Variants in ATP8A2 observed in about 807,000 individuals in gnomAD.
The protein encoded by ATP8A2 is phospholipid-transporting ATPase IB.
A neutral mutation model predicts 165.6 loss-of-function variants in ATP8A2; 100 were observed. The observed-to-expected ratio is 0.60, with a 90% CI of 0.51 to 0.71. ATP8A2 has a LOEUF of 0.71. ATP8A2 is among the 30% of genes least tolerant of loss of function. ATP8A2 has a pLI of 0.00. For missense variants in ATP8A2, 1,227 were observed against 1,479.5 expected, an observed-to-expected ratio of 0.83 and a Z score of 2.80; for synonymous variants, 543 against 548.8, an observed-to-expected ratio of 0.99 and a Z score of 0.15.
intron 35 of ATP8A2, among the ~76,000 whole-genome samples, chr13:25,969,439 C>A (rs1955865201): frequency 6.6e-6 from 1 of 152,206 alleles, no homozygotes; most frequent in Non-Finnish European, 1.5e-5. Context: ...CTATAATATT[C>A]TGAGTACAGC....
intron 24 of ATP8A2, among the ~76,000 whole-genome samples, chr13:25,683,822 G>A (rs1431794619): frequency 6.6e-6 from 1 of 152,028 alleles, no homozygotes; most frequent in Non-Finnish European, 1.5e-5. Flanking sequence ...GTGGGGACAG[G>A]CACTTTCCAG....
At chr13:25,512,971 A>T (rs1427180356) in intron 2 of ATP8A2, among the ~76,000 whole-genome samples, 1 of 96,156 alleles carries the variant, frequency 1.0e-5, no homozygotes, top group Non-Finnish European at 2.1e-5. Flanking sequence ...TGACCCCCCC[A>T]CCTCCCTCCC....
intron 2 of ATP8A2, among the ~76,000 whole-genome samples, chr13:25,474,736 T>C (rs1054397732): frequency 1.3e-5 from 2 of 152,098 alleles, no homozygotes; most frequent in Non-Finnish European, 2.9e-5. Context: ...TCGGGATATG[T>C]GTGCAGGTTT....
intron 29 of ATP8A2, among the ~76,000 whole-genome samples, chr13:25,838,639 T>C (rs1477555867): frequency 3.3e-5 from 5 of 152,014 alleles, no homozygotes. Context: ...AATTCCATTG[T>C]CTTATAACAT....
chr13:25,373,717 C>G (rs2032511504), intron 1 of ATP8A2, among the ~76,000 whole-genome samples: 1 of 152,150 alleles, frequency 6.6e-6, no homozygotes. Flanking sequence ...GACCAGGGTT[C>G]TCTTTTGCGG....
chr13:26,001,591 T>C (rs1956632106), intron 35 of ATP8A2, among the ~76,000 whole-genome samples: 1 of 152,224 alleles, frequency 6.6e-6, no homozygotes, highest in South Asian at 2.1e-4. Context: ...TGCTATCTCA[T>C]GGTAGTTTTG....
At chr13:25,871,521 G>C (rs180956603) in intron 33 of ATP8A2, among the ~76,000 whole-genome samples, 4 of 152,270 alleles carry the variant, frequency 2.6e-5, no homozygotes, top group African/African-American at 9.6e-5. Flanking sequence ...ACATGACCAC[G>C]GTAGGTTAGA....
At chr13:25,566,488 C>A (rs890542448) in intron 16 of ATP8A2, among the ~76,000 whole-genome samples, 4 of 152,142 alleles carry the variant, frequency 2.6e-5, no homozygotes, top group African/African-American at 9.7e-5. Context: ...CAAAGGTGGG[C>A]AACTGAATAT....
intron 1 of ATP8A2, among the ~76,000 whole-genome samples, chr13:25,428,756 C>T (rs755100433): frequency 4.6e-5 from 7 of 152,192 alleles, no homozygotes; most frequent in Non-Finnish European, 8.8e-5. Context: ...GCAGGCAGCC[C>T]ACTCGCAAGC....
chr13:25,604,826 T>C (rs988460452), intron 24 of ATP8A2, among the ~76,000 whole-genome samples: 30 of 152,272 alleles, frequency 2.0e-4, no homozygotes, highest in Non-Finnish European at 2.1e-4. Context: ...AGATAGTCCA[T>C]GTTTGTGAAA....
chr13:25,494,828 T>C (rs568314634), intron 2 of ATP8A2, among the ~76,000 whole-genome samples: 60 of 152,250 alleles, frequency 3.9e-4, no homozygotes, highest in African/African-American at 1.3e-3. Context: ...TGATTTCTTT[T>C]TTCACAGTGA....
intron 21 of ATP8A2, among the ~76,000 whole-genome samples, chr13:25,579,459 G>A (rs960499486): frequency 6.6e-5 from 10 of 152,242 alleles, no homozygotes; most frequent in East Asian, 1.9e-4. Flanking sequence ...GGGATAGCAC[G>A]TGGGGCCTTT....
chr13:25,938,622 A>G (rs568104332), intron 33 of ATP8A2, among the ~76,000 whole-genome samples: 9 of 152,312 alleles, frequency 5.9e-5, no homozygotes, highest in African/African-American at 2.2e-4. Flanking sequence ...AGCTCCTTTC[A>G]TGGGTCTCCC....
chr13:25,845,539 G>T (rs757399435), intron 30 of ATP8A2, among the ~76,000 whole-genome samples: 23 of 152,040 alleles, frequency 1.5e-4, no homozygotes, highest in Non-Finnish European at 2.2e-4. Context: ...CTTATGTATG[G>T]GTACTAATTA....
chr13:25,888,666 C>T (rs1953250637), intron 33 of ATP8A2, among the ~76,000 whole-genome samples: 2 of 152,176 alleles, frequency 1.3e-5, no homozygotes, highest in East Asian at 3.9e-4. Flanking sequence ...TAGAGACCAG[C>T]CTGACCAACA....
intron 24 of ATP8A2, among the ~76,000 whole-genome samples, chr13:25,686,496 C>T (rs904158146): frequency 1.3e-5 from 2 of 152,088 alleles, no homozygotes; most frequent in Non-Finnish European, 2.9e-5. Context: ...AGCACCTGGC[C>T]AAGAGCACGT....
chr13:25,658,883 A>G (rs952955772), intron 24 of ATP8A2, among the ~76,000 whole-genome samples: 2 of 152,182 alleles, frequency 1.3e-5, no homozygotes, highest in Non-Finnish European at 2.9e-5. Flanking sequence ...CAAAGAGTCA[A>G]TAAACTCAAC....
intron 2 of ATP8A2, among the ~76,000 whole-genome samples, chr13:25,508,154 A>G (rs1040128064): frequency 2.6e-5 from 4 of 152,240 alleles, no homozygotes; most frequent in Non-Finnish European, 5.9e-5. Context: ...GCTGGTAGGA[A>G]TGTGAAGTTT....
intron 35 of ATP8A2, among the ~76,000 whole-genome samples, chr13:25,977,059 C>G (rs1208149125): frequency 8.6e-6 from 1 of 116,874 alleles, no homozygotes; most frequent in Non-Finnish European, 1.8e-5. Context: ...TCCCTGCCCT[C>G]GGCCTCCTAA....
Sources: gnomAD v4.1 joint callset for allele counts (sites outside exome capture counted in the v4.1 genomes callset) on GRCh38, gnomAD v4.1.1 for gene constraint, MANE v1.5 for transcripts, NCBI Gene and HGNC (gene_info 2026-07-23, HGNC 2026-07-21) for gene names.